Variants in APP observed in about 807,000 individuals in gnomAD.
The protein encoded by APP is amyloid-beta precursor protein.
Under a neutral mutation model 101.4 loss-of-function variants are expected in APP, and 31 were observed. The ratio of observed to expected loss-of-function variants is 0.31; its 90% CI spans 0.23 to 0.41. The LOEUF is 0.41. Among genes scored for constraint, APP ranks in the 10% least tolerant of loss-of-function variants. The pLI, the probability that APP is intolerant of heterozygous loss-of-function variation, is 1.00. For missense variants in APP, 839 were observed against 1,003.7 expected, an observed-to-expected ratio of 0.84 and a Z score of 2.22; for synonymous variants, 366 against 364.4, an observed-to-expected ratio of 1.00 and a Z score of -0.05.
chr21:26,033,544 G>A (rs1032611672), intron 5 of APP, among the ~76,000 whole-genome samples: 1 of 152,184 alleles, frequency 6.6e-6, no homozygotes, highest in African/African-American at 2.4e-5. Context: ...GTGGAGGAGG[G>A]GGTGGACTGC....
At chr21:25,952,958 T>C (rs543913117) in intron 13 of APP, among the ~76,000 whole-genome samples, 1 of 152,332 alleles carries the variant, frequency 6.6e-6, no homozygotes, top group East Asian at 1.9e-4. Flanking sequence ...CTTGATACAG[T>C]GAAAAATTAA....
chr21:25,902,969 TA>T (rs1324825671), intron 15 of APP, among the ~76,000 whole-genome samples: 4 of 152,234 alleles, frequency 2.6e-5, no homozygotes, highest in Non-Finnish European at 5.9e-5. Flanking sequence ...CCCACCAGTG[TA>T]ATACCATTAA....
intron 3 of APP, among the ~76,000 whole-genome samples, chr21:26,083,619 G>A (rs2061641350): frequency 6.6e-6 from 1 of 152,194 alleles, no homozygotes; most frequent in Non-Finnish European, 1.5e-5. Flanking sequence ...TTCTTAGCAT[G>A]TACTACAAAT....
At chr21:25,893,634 TATGAAGGATGAGAGAGGTGAA>T (rs1478259474) in intron 16 of APP, among the ~76,000 whole-genome samples, 1 of 152,170 alleles carries the variant, frequency 6.6e-6, no homozygotes, top group Non-Finnish European at 1.5e-5. Context: ...TCTTCAATTC[TATGAAGGATGAGAGAGGTGAA>T]GAAGCTGCAG....
intron 17 of APP, among the ~76,000 whole-genome samples, chr21:25,884,709 T>C (rs1248799498): frequency 6.6e-6 from 1 of 152,182 alleles, no homozygotes; most frequent in Admixed American, 6.5e-5. Flanking sequence ...AAAAATTATC[T>C]TGCTTAGGAG....
chr21:25,975,121 G>T lies in APP; in HGVS notation c.1407C>A (p.Arg469=). The part of the protein sequence containing the change: ...ARVEAMLNDR[R]RLALENYITA... ...TGATGTAGTTCTCCAGGGCCAGGCG[G>T]CGGCGGTCATTGAGCATGGCTTCCA... Residue 469 remains arginine, a synonymous_variant, in exon 11 of 18, where the codon CGC becomes CGA. Coordinates refer to ENST00000346798, the MANE Select transcript of APP (RefSeq NM_000484.4). 6.2e-7 allele frequency: 1 copy of T among 1,614,090 alleles called. No homozygotes were observed. The highest frequency in any genetic ancestry group is 1.3e-5 in the African/African-American group (1 of 75,012).
chr21:26,032,076 G>A (rs2044855278), intron 5 of APP, among the ~76,000 whole-genome samples: 1 of 152,216 alleles, frequency 6.6e-6, no homozygotes, highest in Admixed American at 6.5e-5. Context: ...TAAAGATGAT[G>A]TAGCTTCTTG....
intron 1 of APP, among the ~76,000 whole-genome samples, chr21:26,136,191 A>AAGGAAAGGAAGGAG (rs1369945640): frequency 1.0e-4 from 8 of 77,368 alleles, no homozygotes; most frequent in Non-Finnish European, 1.6e-4. Flanking sequence ...GAAAGAAAGA[A>AAGGAAAGGAAGGAG]AGAAAGAAAG....
At chr21:26,011,567 T>A (rs897885128) in intron 6 of APP, among the ~76,000 whole-genome samples, 5 of 152,052 alleles carry the variant, frequency 3.3e-5, no homozygotes, top group African/African-American at 1.2e-4. Flanking sequence ...AGGACAATCA[T>A]CCGCAACAAT....
In APP at chr21:26,170,680, G is replaced by A. The variant is rs2063728182; in HGVS notation, c.-60C>T. On this transcript the variant is annotated 5_prime_UTR_variant, in exon 1 of 18. Coordinates refer to ENST00000346798, the MANE Select transcript of APP (RefSeq NM_000484.4). ...TGCGAGTGGGATCCGCCGCGTCCTT[G>A]CTCTGCCCGCGCCGCCACCGCCGCC... 1 of 1,462,228 alleles carries A rather than the reference G, an allele frequency of 6.8e-7. No homozygotes were observed. The allele number at this position is 1,462,228 out of a possible 1,614,324, so 90.6% of individuals were successfully genotyped here.
intron 13 of APP, among the ~76,000 whole-genome samples, chr21:25,929,236 A>G (rs2040034967): frequency 6.6e-6 from 1 of 152,180 alleles, no homozygotes; most frequent in Non-Finnish European, 1.5e-5. Context: ...CCTCTGCAGC[A>G]TATGTTATGA....
At chr21:25,952,187 T>TATACACAC (rs1555901886) in intron 13 of APP, among the ~76,000 whole-genome samples, 5 of 111,094 alleles carry the variant, frequency 4.5e-5, no homozygotes, top group African/African-American at 1.2e-4. Flanking sequence ...GCATATTACA[T>TATACACAC]ACATACACAC....
At position 26,007,930 on chromosome 21, in the gene APP, G is replaced by A. The variant is rs554697349; in HGVS notation, c.866-7748C>T. ...ATCATATTTTACTAAATAGAAGCAT[G>A]TAAAATTAGGCAAGCAAGCTTGAAC... On this transcript the variant is annotated intron_variant, in intron 6 of 17. Transcript: ENST00000346798. Among the ~76,000 whole-genome samples, 131 of 152,160 alleles carry A rather than the reference G, an allele frequency of 8.6e-4. 2 individuals are homozygous for A. The highest frequency in any genetic ancestry group is 1.1e-3 in the Non-Finnish European group (73 of 68,020).
chr21:25,988,344 G>A (rs555330059), intron 8 of APP, among the ~76,000 whole-genome samples: 2 of 152,272 alleles, frequency 1.3e-5, no homozygotes, highest in Admixed American at 6.5e-5. Context: ...TATATGTGAT[G>A]GGGCGTTTTG....
At chr21:25,947,181 G>A (rs1016813242) in intron 13 of APP, among the ~76,000 whole-genome samples, 3 of 152,100 alleles carry the variant, frequency 2.0e-5, no homozygotes, top group Admixed American at 6.6e-5. Flanking sequence ...AGATCATCTG[G>A]ATGACATATG....
intron 16 of APP, among the ~76,000 whole-genome samples, chr21:25,897,255 G>GC (rs2038121674): frequency 6.6e-6 from 1 of 151,984 alleles, no homozygotes; most frequent in Non-Finnish European, 1.5e-5. Flanking sequence ...TGGGACTACA[G>GC]GTGTTTGCCA....
At chr21:25,905,239 C>T (rs915577452) in intron 14 of APP, among the ~76,000 whole-genome samples, 162 bp from the exon 15 acceptor site, 2 of 152,144 alleles carry the variant, frequency 1.3e-5, no homozygotes, top group African/African-American at 4.8e-5. Context: ...TCCCGAGCAT[C>T]GAGGACCAGG....
intron 17 of APP, among the ~76,000 whole-genome samples, chr21:25,890,178 G>T (rs2037597863): frequency 6.6e-6 from 1 of 152,134 alleles, no homozygotes; most frequent in African/African-American, 2.4e-5. Flanking sequence ...CCTGCTGCCT[G>T]CTGTTCTCTT....
At chr21:26,118,327 C>G (rs913033904) in intron 1 of APP, among the ~76,000 whole-genome samples, 3 of 152,126 alleles carry the variant, frequency 2.0e-5, no homozygotes, top group Admixed American at 6.6e-5. Context: ...AAAAATAGAG[C>G]CTTATGCATG....
Sources: gnomAD v4.1 joint callset for allele counts (sites outside exome capture counted in the v4.1 genomes callset) on GRCh38, gnomAD v4.1.1 for gene constraint, MANE v1.5 for transcripts, NCBI Gene and HGNC (gene_info 2026-07-23, HGNC 2026-07-21) for gene names.